The following COLEC10 variants were observed in gnomAD, a reference collection of about 807,000 sequenced individuals.
COLEC10 encodes collectin subfamily member 10.
A neutral mutation model predicts 28.4 loss-of-function variants in COLEC10; 22 were observed. That is an observed-to-expected ratio of 0.78 (90% confidence interval 0.55 to 1.11). COLEC10 has a LOEUF of 1.11. Ranked by LOEUF, COLEC10 falls within the 50% of genes least tolerant of loss-of-function variation. The pLI is 0.00. For missense variants in COLEC10, 361 were observed against 344.1 expected, an observed-to-expected ratio of 1.05 and a Z score of -0.39; for synonymous variants, 125 against 116.1, an observed-to-expected ratio of 1.08 and a Z score of -0.49.
chr8:119,044,275 A>G (rs1814550963), intron 2 of COLEC10, among the ~76,000 whole-genome samples: 1 of 152,260 alleles, frequency 6.6e-6, no homozygotes, highest in African/African-American at 2.4e-5. Context: ...CAGAAAATGT[A>G]TTCTAAAACT....
At chr8:118,965,935 C>T in the COLEC10 span, among the ~76,000 whole-genome samples, 16 of 151,978 alleles carry the variant, frequency 1.1e-4, no homozygotes, top group Non-Finnish European at 1.9e-4. Flanking sequence ...GAATGGGTGG[C>T]TGTTGATATT....
intron 2 of COLEC10, among the ~76,000 whole-genome samples, chr8:119,026,145 C>A (rs2130117622): frequency 6.6e-6 from 1 of 152,272 alleles, no homozygotes; most frequent in South Asian, 2.1e-4. Flanking sequence ...TATCCTGTAT[C>A]ATGAATTAAT....
intron 1 of COLEC10, among the ~76,000 whole-genome samples, chr8:119,001,306 G>T (rs1326947330): frequency 1.3e-5 from 2 of 152,140 alleles, no homozygotes; most frequent in African/African-American, 4.8e-5. Context: ...TTTGGCTGGT[G>T]ATCAAGAAAA....
intron 2 of COLEC10, among the ~76,000 whole-genome samples, chr8:119,022,228 G>C (rs1032876986): frequency 6.6e-6 from 1 of 152,108 alleles, no homozygotes; most frequent in Non-Finnish European, 1.5e-5. Flanking sequence ...TGTGTTCTGT[G>C]ATAATTTAAA....
intron 1 of COLEC10, among the ~76,000 whole-genome samples, chr8:119,071,143 T>C (rs924682372): frequency 1.3e-5 from 2 of 152,198 alleles, no homozygotes; most frequent in African/African-American, 4.8e-5. Flanking sequence ...TCAAAGAACA[T>C]GACATCACGA....
At chr8:119,103,755 CTG>C in intron 4 of COLEC10, 43 bp from the exon 5 acceptor site, 1 of 1,141,558 alleles carries the variant, frequency 8.8e-7, no homozygotes, top group Non-Finnish European at 1.3e-6. Flanking sequence ...TTCCACTGGT[CTG>C]CAGGTACTTC....
chr8:119,068,938 TATTCTTAATAAA>T (rs1396865116), intron 1 of COLEC10, among the ~76,000 whole-genome samples: 5 of 151,752 alleles, frequency 3.3e-5, no homozygotes, highest in Admixed American at 3.3e-4. Flanking sequence ...AATAAAATTT[TATTCTTAATAAA>T]ATTCTTAATA....
the COLEC10 span, among the ~76,000 whole-genome samples, chr8:118,968,841 A>C: frequency 6.6e-6 from 1 of 151,690 alleles, no homozygotes; most frequent in African/African-American, 2.4e-5. Flanking sequence ...CTCATTGTTC[A>C]ACTCCCACTT....
rs146881902 is a variant in COLEC10 at position 119,080,067 on chromosome 8, G to C, written c.149-9613G>C. Among the ~76,000 whole-genome samples the C allele has an allele frequency of 5.4e-3, 828 of 152,080 alleles. 8 individuals carry two copies. Among genetic ancestry groups the C allele is most frequent in the African/African-American group, 0.017 (720 of 41,470 alleles). Reference sequence around the variant, plus strand: ...CCTTCGATATTTTATCTTGTCATTTGGGGAGAAAGCAACACAGGATGAGTT... The same window carrying C: ...CCTTCGATATTTTATCTTGTCATTTCGGGAGAAAGCAACACAGGATGAGTT... On this transcript the variant is annotated intron_variant, in intron 1 of 5. Coordinates refer to ENST00000332843, the MANE Select transcript of COLEC10 (RefSeq NM_006438.5).
chr8:119,064,209 A>G (rs1465656958), upstream of COLEC10, among the ~76,000 whole-genome samples: 12 of 152,204 alleles, frequency 7.9e-5, no homozygotes, highest in Non-Finnish European at 1.2e-4. Flanking sequence ...TGTTTTATAT[A>G]AAATATGTGA....
the COLEC10 span, among the ~76,000 whole-genome samples, chr8:118,969,986 C>T: frequency 1.8e-3 from 279 of 152,062 alleles, 1 homozygote; most frequent in African/African-American, 6.4e-3. Flanking sequence ...ATATTTTTCT[C>T]TGTCAATGTG....
the COLEC10 span, among the ~76,000 whole-genome samples, chr8:118,987,123 T>A: frequency 4.6e-5 from 7 of 152,116 alleles, no homozygotes; most frequent in African/African-American, 1.7e-4. Context: ...TGGGAATGCT[T>A]GCGGAACTGT....
At chr8:119,049,650 G>A (rs528373959) in intron 2 of COLEC10, among the ~76,000 whole-genome samples, 2 of 152,048 alleles carry the variant, frequency 1.3e-5, no homozygotes, top group East Asian at 3.9e-4. Flanking sequence ...TCCTGACCTC[G>A]TGATCCACTT....
the COLEC10 span, among the ~76,000 whole-genome samples, chr8:118,970,280 G>A: frequency 6.6e-6 from 1 of 152,026 alleles, no homozygotes; most frequent in Non-Finnish European, 1.5e-5. Context: ...AGAGAGCAGA[G>A]CCACTGCCTG....
At chr8:119,016,099 C>T (rs1021345282) in intron 2 of COLEC10, among the ~76,000 whole-genome samples, 6 of 152,016 alleles carry the variant, frequency 3.9e-5, no homozygotes, top group African/African-American at 1.4e-4. Context: ...CACAGATATA[C>T]ACGTGCACCT....
At chr8:118,992,069 T>C (rs999948731), upstream of COLEC10, among the ~76,000 whole-genome samples, 1 of 152,144 alleles carries the variant, frequency 6.6e-6, no homozygotes, top group Non-Finnish European at 1.5e-5. Context: ...TTTTGAGTCA[T>C]TAAACTTCTC....
upstream of COLEC10, among the ~76,000 whole-genome samples, chr8:118,992,308 C>T (rs897201243): frequency 1.3e-5 from 2 of 152,100 alleles, no homozygotes; most frequent in Non-Finnish European, 2.9e-5. Flanking sequence ...GAAACATCCT[C>T]TCTTCAATGG....
chr8:119,021,894 C>T (rs1450649213), intron 2 of COLEC10, among the ~76,000 whole-genome samples: 5 of 152,104 alleles, frequency 3.3e-5, no homozygotes. Context: ...CACAGATTTT[C>T]TGTAATGATT....
At chr8:119,073,060 TG>T (rs775594658) in intron 1 of COLEC10, among the ~76,000 whole-genome samples, 22 of 152,314 alleles carry the variant, frequency 1.4e-4, no homozygotes, top group Non-Finnish European at 2.4e-4. Context: ...ATACTCAAAC[TG>T]GAAGTCTTAC....
Sources: allele counts gnomAD v4.1 joint callset (sites outside exome capture counted in the v4.1 genomes callset), GRCh38; gene constraint gnomAD v4.1.1; transcripts MANE v1.5; gene names NCBI Gene and HGNC (gene_info 2026-07-23, HGNC 2026-07-21).